Variants in KIAA1671 observed in about 807,000 individuals in gnomAD.
KIAA1671 encodes uncharacterized protein KIAA1671.
In KIAA1671, 52 loss-of-function variants were observed where a neutral mutation model predicts 131.2. The ratio of observed to expected loss-of-function variants is 0.40; its 90% CI spans 0.32 to 0.50. The LOEUF is 0.50. Among genes scored for constraint, KIAA1671 ranks in the 20% least tolerant of loss-of-function variants. The pLI is 0.73. For missense variants in KIAA1671, 2,360 were observed against 2,364.2 expected (o/e 1.00, Z 0.04); for synonymous variants, 1,003 against 961.6 (o/e 1.04, Z -0.80).
chr22:25,053,937 C>T (rs1009653847), intron 6 of KIAA1671: 1 of 151,506 alleles, frequency 6.6e-6, no homozygotes, highest in Admixed American at 6.6e-5. Context: ...GCCTATAATT[C>T]CAGCAGTTGG....
chr22:25,126,264 A>G (rs920331782), intron 6 of KIAA1671, among the ~76,000 whole-genome samples: 6 of 152,236 alleles, frequency 3.9e-5, no homozygotes, highest in Admixed American at 2.6e-4. Context: ...TGATTTCTAG[A>G]AACAGCCCTT....
chr22:25,173,761 A>G (rs1388079777), intron 7 of KIAA1671, among the ~76,000 whole-genome samples: 1 of 152,264 alleles, frequency 6.6e-6, no homozygotes, highest in Non-Finnish European at 1.5e-5. Context: ...CAAGGGATCC[A>G]AAATACTATC....
chr22:24,965,269 G>C (rs1026970374), intron 1 of KIAA1671, among the ~76,000 whole-genome samples: 35 of 151,576 alleles, frequency 2.3e-4, no homozygotes, highest in African/African-American at 8.5e-4. Context: ...ACAAAAATTA[G>C]CCAGGCATGG....
intron 6 of KIAA1671, among the ~76,000 whole-genome samples, chr22:25,124,519 C>T (rs1932091810): frequency 6.6e-6 from 1 of 152,222 alleles, no homozygotes; most frequent in Non-Finnish European, 1.5e-5. Context: ...GCTCTCCCTT[C>T]AGACAGTCCT....
chr22:25,190,384 G>A (rs1359297620), intron 11 of KIAA1671, among the ~76,000 whole-genome samples: 2 of 152,218 alleles, frequency 1.3e-5, no homozygotes, highest in African/African-American at 4.8e-5. Context: ...TGTGAATACA[G>A]ATGAAGCTTC....
intron 6 of KIAA1671, among the ~76,000 whole-genome samples, chr22:25,071,879 A>G (rs1765042003): frequency 6.6e-6 from 1 of 152,170 alleles, no homozygotes; most frequent in Non-Finnish European, 1.5e-5. Context: ...GACCGCATGG[A>G]ACTTAGTCTG....
intron 1 of KIAA1671, among the ~76,000 whole-genome samples, chr22:24,968,935 T>TAGGTA (rs1922451027): frequency 2.0e-5 from 3 of 152,212 alleles, no homozygotes; most frequent in Admixed American, 6.5e-5. Context: ...GGCCTTGCCC[T>TAGGTA]GTCACCCAGG....
chr22:25,113,038 G>C (rs1203792841), intron 6 of KIAA1671, among the ~76,000 whole-genome samples: 1 of 152,156 alleles, frequency 6.6e-6, no homozygotes, highest in Admixed American at 6.5e-5. Context: ...AGGCAGGCTC[G>C]GGAGGGCTTG....
At chr22:24,954,874 G>A (rs1245810910) in intron 1 of KIAA1671, among the ~76,000 whole-genome samples, 1 of 152,100 alleles carries the variant, frequency 6.6e-6, no homozygotes, top group Admixed American at 6.6e-5. Context: ...TCTGCCTCCC[G>A]GGTTCAAGCA....
chr22:25,002,939 C>G (rs1397650183), intron 1 of KIAA1671, among the ~76,000 whole-genome samples: 3 of 152,128 alleles, frequency 2.0e-5, no homozygotes, highest in African/African-American at 7.2e-5. Context: ...GCCCCCAGTG[C>G]CCAGCTAATT....
intron 6 of KIAA1671, among the ~76,000 whole-genome samples, chr22:25,133,160 A>G (rs907528777): frequency 6.6e-6 from 1 of 152,150 alleles, no homozygotes; most frequent in Non-Finnish European, 1.5e-5. Flanking sequence ...TTATGCAAAT[A>G]TACATTAGGA....
chr22:25,005,346 TAAAAAAAA>T (rs569086369), intron 1 of KIAA1671, among the ~76,000 whole-genome samples: 5 of 111,508 alleles, frequency 4.5e-5, no homozygotes, highest in Admixed American at 4.0e-4. Flanking sequence ...AGACTCCATC[TAAAAAAAA>T]AAAAAAAAAA....
chr22:25,115,845 C>T lies in KIAA1671; in HGVS notation c.4531-54975C>T, dbSNP rs534335323. On this transcript the variant is annotated intron_variant, in intron 6 of 12. Coordinates refer to ENST00000358431, the MANE Select transcript of KIAA1671 (RefSeq NM_001145206.2). The stretch of plus-strand genomic sequence containing the variant: ...AGGCTGGAGTGCAGTGGCACAGTCT[C>T]GGCTCACTGCAACCTCCACCTCCCA... Among the ~76,000 whole-genome samples the T allele has an allele frequency of 2.4e-3, 363 of 152,222 alleles. 2 individuals carry two copies. The highest frequency in any genetic ancestry group is 4.0e-3 in the Non-Finnish European group (275 of 68,014).
At position 25,028,080 on chromosome 22, in the gene KIAA1671, C is replaced by T. The variant is rs1926049635; in HGVS notation, c.81C>T (p.Thr27=). Residue 27 remains threonine (T), a synonymous_variant, in exon 3 of 13, where the codon ACC becomes ACT. Coordinates refer to ENST00000358431, the MANE Select transcript of KIAA1671 (RefSeq NM_001145206.2). ...TGGGTGAGATGGGCAAGGAGGAGAC[C>T]CTGACGAGGACCTACTTCCTCCAGG... is the stretch of plus-strand genomic sequence containing the variant. ...PGLGEMGKEE[T]LTRTYFLQAG... 1 of 1,550,724 alleles carries T rather than the reference C, an allele frequency of 6.4e-7. No individual in the cohort carries two copies. The highest frequency in any genetic ancestry group is 8.7e-7 in the Non-Finnish European group (1 of 1,146,580).
intron 6 of KIAA1671, chr22:25,051,647 C>CT (rs1927540778): frequency 6.6e-6 from 1 of 152,088 alleles, no homozygotes; most frequent in South Asian, 2.1e-4. Flanking sequence ...GTCCAATTCT[C>CT]TTTTTATAAA....
intron 6 of KIAA1671, among the ~76,000 whole-genome samples, chr22:25,129,319 C>A (rs1932325814): frequency 6.6e-6 from 1 of 152,022 alleles, no homozygotes; most frequent in South Asian, 2.1e-4. Flanking sequence ...CCAGCCTGGC[C>A]AACATGGTGA....
chr22:24,959,571 C>T (rs543063240), intron 1 of KIAA1671, among the ~76,000 whole-genome samples: 8 of 151,918 alleles, frequency 5.3e-5, no homozygotes, highest in Admixed American at 3.9e-4. Flanking sequence ...CACATACACA[C>T]ACACACACAT....
intron 6 of KIAA1671, among the ~76,000 whole-genome samples, chr22:25,149,756 C>T (rs1932973710): frequency 6.6e-6 from 1 of 152,064 alleles, no homozygotes; most frequent in African/African-American, 2.4e-5. Flanking sequence ...ATCCTACGTA[C>T]AGCAGGTAGA....
intron 1 of KIAA1671, among the ~76,000 whole-genome samples, chr22:24,967,728 C>T (rs996638927): frequency 2.0e-5 from 3 of 152,138 alleles, no homozygotes; most frequent in Non-Finnish European, 4.4e-5. Flanking sequence ...CGCGGTGGCT[C>T]ACACCTGTAA....
Sources: allele counts gnomAD v4.1 joint callset (sites outside exome capture counted in the v4.1 genomes callset), GRCh38; gene constraint gnomAD v4.1.1; transcripts MANE v1.5; gene names NCBI Gene and HGNC (gene_info 2026-07-23, HGNC 2026-07-21).